JMJD1C: variants seen among roughly 807,000 people sequenced by gnomAD.
JMJD1C encodes jumonji domain-containing protein 1C.
In JMJD1C, 31 loss-of-function variants were observed where a neutral mutation model predicts 245.3. The ratio of observed to expected loss-of-function variants is 0.13; its 90% CI spans 0.09 to 0.17. The LOEUF is 0.17. Ranked by LOEUF, JMJD1C falls within the 10% of genes least tolerant of loss-of-function variation. JMJD1C has a pLI of 1.00. For missense variants in JMJD1C, 2,691 were observed against 3,000.2 expected (o/e 0.90, Z 2.41); for synonymous variants, 1,057 against 1,017.4 (o/e 1.04, Z -0.74).
intron 2 of JMJD1C, among the ~76,000 whole-genome samples, chr10:63,266,234 T>C (rs1016029989): frequency 2.0e-5 from 3 of 152,098 alleles, no homozygotes; most frequent in Non-Finnish European, 2.9e-5. Flanking sequence ...TCCCATATCC[T>C]AGGCTAACCT....
chr10:63,189,816 T>C (rs1844550993), intron 17 of JMJD1C, among the ~76,000 whole-genome samples: 1 of 151,938 alleles, frequency 6.6e-6, no homozygotes, highest in South Asian at 2.1e-4. Context: ...GCTCAAGCAA[T>C]CCTCCCACCT....
At chr10:63,274,207 G>A (rs1856578761) in intron 2 of JMJD1C, among the ~76,000 whole-genome samples, 1 of 152,182 alleles carries the variant, frequency 6.6e-6, no homozygotes, top group Admixed American at 6.6e-5. Flanking sequence ...AAGCCATACT[G>A]TAAAATCTAT....
At chr10:63,287,511 G>A (rs1035566525) in intron 2 of JMJD1C, among the ~76,000 whole-genome samples, 9 of 152,118 alleles carry the variant, frequency 5.9e-5, no homozygotes, top group South Asian at 4.1e-4. Context: ...CAAGTGATAC[G>A]GATAGTGAAG....
At chr10:63,205,807 CAT>C (rs1167471582) in intron 10 of JMJD1C, among the ~76,000 whole-genome samples, 1 of 152,064 alleles carries the variant, frequency 6.6e-6, no homozygotes, top group Non-Finnish European at 1.5e-5. Context: ...AGACCACTGT[CAT>C]ATATACATTC....
At chr10:63,459,374 T>C (rs1415774570) in intron 1 of JMJD1C, among the ~76,000 whole-genome samples, 1 of 152,244 alleles carries the variant, frequency 6.6e-6, no homozygotes, top group Non-Finnish European at 1.5e-5. Flanking sequence ...GTTTATGATA[T>C]ATGTGACCTA....
intron 5 of JMJD1C, among the ~76,000 whole-genome samples, chr10:63,216,719 AAAACAAAAAAC>A (rs760239914): frequency 2.7e-4 from 39 of 142,776 alleles, no homozygotes; most frequent in Non-Finnish European, 4.7e-4. Flanking sequence ...CAAAAAACAA[AAAACAAAAAAC>A]AAACAAAAAC....
At chr10:63,363,787 T>TCC (rs1407564516) in intron 2 of JMJD1C, among the ~76,000 whole-genome samples, 2 of 149,326 alleles carry the variant, frequency 1.3e-5, no homozygotes, top group African/African-American at 5.0e-5. Flanking sequence ...CAAGTGATCC[T>TCC]CCCCCTCTGG....
At chr10:63,483,026 A>C (rs2133192028) in intron 1 of JMJD1C, among the ~76,000 whole-genome samples, 1 of 152,336 alleles carries the variant, frequency 6.6e-6, no homozygotes, top group Middle Eastern at 3.4e-3. Context: ...AAATAACTCT[A>C]GTCTAAATAA....
intron 2 of JMJD1C, among the ~76,000 whole-genome samples, chr10:63,296,564 A>G (rs1859455983): frequency 6.6e-6 from 1 of 152,228 alleles, no homozygotes; most frequent in African/African-American, 2.4e-5. Flanking sequence ...ATACTTGTTT[A>G]CAGTATGAAA....
At chr10:63,425,178 A>G (rs1043928621) in intron 1 of JMJD1C, among the ~76,000 whole-genome samples, 4 of 152,236 alleles carry the variant, frequency 2.6e-5, no homozygotes, top group Non-Finnish European at 5.9e-5. Flanking sequence ...GTATAAATAC[A>G]GATAAAATTT....
At chr10:63,340,876 T>C (rs1311053406) in intron 2 of JMJD1C, among the ~76,000 whole-genome samples, 5 of 151,836 alleles carry the variant, frequency 3.3e-5, no homozygotes, top group Non-Finnish European at 7.4e-5. Flanking sequence ...ACCCAGGAGA[T>C]GGAGGTTGCA....
At chr10:63,257,567 A>G (rs1246313847) in intron 3 of JMJD1C, among the ~76,000 whole-genome samples, 1 of 152,220 alleles carries the variant, frequency 6.6e-6, no homozygotes, top group East Asian at 1.9e-4. Context: ...AGACCTTAGT[A>G]TTATAGCTAC....
chr10:63,305,777 C>T (rs924050012), intron 2 of JMJD1C, among the ~76,000 whole-genome samples: 1 of 151,728 alleles, frequency 6.6e-6, no homozygotes, highest in Non-Finnish European at 1.5e-5. Flanking sequence ...TCTGATATTT[C>T]TTCTGTGTGC....
intron 2 of JMJD1C, among the ~76,000 whole-genome samples, chr10:63,277,235 C>G (rs1856876732): frequency 6.7e-6 from 1 of 148,866 alleles, no homozygotes; most frequent in Non-Finnish European, 1.5e-5. Flanking sequence ...CCAGGTTGGC[C>G]TCGAATGTGT....
At chr10:63,251,240 C>G (rs1345961318) in intron 3 of JMJD1C, among the ~76,000 whole-genome samples, 2 of 152,124 alleles carry the variant, frequency 1.3e-5, no homozygotes. Context: ...AAAGGGCTGT[C>G]AATTGGGAAT....
chr10:63,467,267 A>G (rs1228697394), upstream of JMJD1C, among the ~76,000 whole-genome samples: 1 of 143,548 alleles, frequency 7.0e-6, no homozygotes, highest in Non-Finnish European at 1.5e-5. Context: ...CCTGCACTTT[A>G]GGAGGCAGAT....
chr10:63,266,678 A>G (rs1351683571), intron 2 of JMJD1C, among the ~76,000 whole-genome samples: 1 of 152,168 alleles, frequency 6.6e-6, no homozygotes, highest in Non-Finnish European at 1.5e-5. Flanking sequence ...AAACAGTACC[A>G]TATCAGGTCA....
chr10:63,271,442 T>C (rs1330840639), intron 2 of JMJD1C, among the ~76,000 whole-genome samples: 1 of 152,106 alleles, frequency 6.6e-6, no homozygotes, highest in African/African-American at 2.4e-5. Flanking sequence ...CCTCTCAAAG[T>C]GCTGGGATTA....
chr10:63,266,950 A>T (rs899089766), intron 2 of JMJD1C, among the ~76,000 whole-genome samples: 3 of 152,174 alleles, frequency 2.0e-5, no homozygotes, highest in African/African-American at 7.2e-5. Flanking sequence ...CAATGATTTA[A>T]ATTATTCTAA....
Sources: allele counts gnomAD v4.1 joint callset (sites outside exome capture counted in the v4.1 genomes callset), GRCh38; gene constraint gnomAD v4.1.1; transcripts MANE v1.5; gene names NCBI Gene and HGNC (gene_info 2026-07-23, HGNC 2026-07-21).